TENM3: variants seen among roughly 807,000 people sequenced by gnomAD.
TENM3 encodes teneurin transmembrane protein 3.
Under a neutral mutation model 255.1 loss-of-function variants are expected in TENM3, and 63 were observed. That is an observed-to-expected ratio of 0.25 (90% CI 0.20 to 0.30). The LOEUF (loss-of-function observed/expected upper bound fraction) is 0.30. Among genes scored for constraint, TENM3 ranks in the 10% least tolerant of loss-of-function variants. The pLI, the probability that TENM3 is intolerant of heterozygous loss-of-function variation, is 1.00. For missense variants in TENM3, 2,929 were observed against 3,461.1 expected (o/e 0.85, Z 3.86); for synonymous variants, 1,306 against 1,322.3 (o/e 0.99, Z 0.27).
At chr4:181,963,625 A>G in the TENM3 span, among the ~76,000 whole-genome samples, 27 of 152,198 alleles carry the variant, frequency 1.8e-4, no homozygotes, top group African/African-American at 6.0e-4. Context: ...CATAGCTTCA[A>G]TCAACAAGTT....
chr4:181,956,684 A>G, the TENM3 span, among the ~76,000 whole-genome samples: 1 of 152,246 alleles, frequency 6.6e-6, no homozygotes, highest in Non-Finnish European at 1.5e-5. Flanking sequence ...AACACTTGGC[A>G]TTCTTCGGAT....
At chr4:182,336,654 T>C (rs1397555084) in intron 2 of TENM3, among the ~76,000 whole-genome samples, 1 of 152,214 alleles carries the variant, frequency 6.6e-6, no homozygotes, top group African/African-American at 2.4e-5. Context: ...GCTGCCCTGA[T>C]GGCTTGGTTT....
chr4:181,728,924 T>C, the TENM3 span, among the ~76,000 whole-genome samples: 1 of 152,178 alleles, frequency 6.6e-6, no homozygotes, highest in African/African-American at 2.4e-5. Flanking sequence ...CATTATTATG[T>C]TGTTTCCTTA....
the TENM3 span, among the ~76,000 whole-genome samples, chr4:182,018,079 A>G: frequency 6.6e-6 from 1 of 152,206 alleles, no homozygotes; most frequent in Non-Finnish European, 1.5e-5. Context: ...GTTAGGGAAC[A>G]TCTAATTCTG....
intron 3 of TENM3, among the ~76,000 whole-genome samples, chr4:182,500,663 G>A (rs6836360): frequency 6.6e-6 from 1 of 151,896 alleles, no homozygotes; most frequent in Admixed American, 6.6e-5. Context: ...CAAACATATT[G>A]TAAGAGAGAC....
intron 26 of TENM3, 124 bp downstream of exon 26, chr4:182,794,009 C>A: frequency 2.5e-6 from 2 of 790,312 alleles, no homozygotes; most frequent in Non-Finnish European, 4.0e-6. Flanking sequence ...AATGGCTAAC[C>A]TTTTAAATGT....
chr4:182,670,543 C>T (rs2152547402), intron 6 of TENM3, among the ~76,000 whole-genome samples: 1 of 152,328 alleles, frequency 6.6e-6, no homozygotes. Flanking sequence ...GATTTCATTT[C>T]ACCTCTAGCC....
At chr4:182,002,416 T>G in the TENM3 span, among the ~76,000 whole-genome samples, 1 of 151,978 alleles carries the variant, frequency 6.6e-6, no homozygotes, top group African/African-American at 2.4e-5. Context: ...TTTCCCCAGT[T>G]GAATTAAATC....
chr4:181,627,411 G>T, the TENM3 span, among the ~76,000 whole-genome samples: 1 of 152,106 alleles, frequency 6.6e-6, no homozygotes, highest in East Asian at 1.9e-4. Flanking sequence ...ATGTATACGT[G>T]TGCCATGTTG....
the TENM3 span, among the ~76,000 whole-genome samples, chr4:181,490,141 G>T: frequency 3.9e-5 from 6 of 152,164 alleles, no homozygotes; most frequent in East Asian, 7.7e-4. Context: ...ATCACCTCAA[G>T]CATTTGTTAT....
the TENM3 span, among the ~76,000 whole-genome samples, chr4:181,712,019 A>G: frequency 1.3e-5 from 2 of 152,192 alleles, no homozygotes; most frequent in Non-Finnish European, 2.9e-5. Context: ...AAAACATACA[A>G]TTATCGGTCA....
chr4:181,654,190 C>A, the TENM3 span, among the ~76,000 whole-genome samples: 1 of 148,784 alleles, frequency 6.7e-6, no homozygotes, highest in Non-Finnish European at 1.5e-5. Context: ...CATGTCAATT[C>A]TATGCGATAA....
At position 182,789,348 on chromosome 4, in the gene TENM3, T is replaced by C; in HGVS notation, c.5560T>C (p.Phe1854Leu). 1.2e-6 allele frequency: 2 copies of C among 1,613,726 alleles called. No individual in the cohort carries two copies. The highest frequency in any genetic ancestry group is 1.7e-6 in the Non-Finnish European group (2 of 1,179,818). The change falls in exon 25 of 28, where the codon TTT (phenylalanine) becomes CTT (leucine). Residue 1854 changes from phenylalanine (F) to leucine (L), a missense_variant. Coordinates refer to ENST00000511685, the MANE Select transcript of TENM3 (RefSeq NM_001080477.4). This position sits in a 1 kb window ranked among gnomAD's most constrained non-coding sequence, Gnocchi z 4.4. ...DGQGRIVSRV[F>L]ADGKTWSYTY... ...ACAGGGGAGGATCGTGTCTCGGGTC[T>C]TTGCTGATGGTAAAACATGGAGTTA...
At chr4:181,918,421 T>C in the TENM3 span, among the ~76,000 whole-genome samples, 3 of 152,200 alleles carry the variant, frequency 2.0e-5, no homozygotes, top group Admixed American at 6.5e-5. Context: ...AAGAATAAAT[T>C]AACTTCTTCA....
chr4:181,791,005 C>T, the TENM3 span, among the ~76,000 whole-genome samples: 1 of 152,246 alleles, frequency 6.6e-6, no homozygotes, highest in Non-Finnish European at 1.5e-5. Context: ...AAGATGATTA[C>T]GGGCCATATG....
chr4:182,461,554 G>C (rs114872439), intron 3 of TENM3, among the ~76,000 whole-genome samples: 1 of 152,098 alleles, frequency 6.6e-6, no homozygotes, highest in East Asian at 1.9e-4. Flanking sequence ...ACAGTAGTAC[G>C]GTGTGTTTGG....
the TENM3 span, among the ~76,000 whole-genome samples, chr4:182,009,049 G>T: frequency 6.6e-6 from 1 of 152,044 alleles, no homozygotes; most frequent in Admixed American, 6.5e-5. Context: ...CATCTGATTT[G>T]CTCCTGTGCC....
intron 22 of TENM3, among the ~76,000 whole-genome samples, chr4:182,768,369 G>A (rs1273073643): frequency 6.6e-6 from 1 of 152,136 alleles, no homozygotes; most frequent in Non-Finnish European, 1.5e-5. Flanking sequence ...ACATCAATAG[G>A]CTGTTGACAT....
the TENM3 span, among the ~76,000 whole-genome samples, chr4:181,476,763 T>G: frequency 2.6e-5 from 4 of 152,184 alleles, no homozygotes; most frequent in African/African-American, 7.2e-5. Context: ...TCAAGGTTTC[T>G]GAGACTTCAA....
Sources: gnomAD v4.1 joint callset for allele counts (sites outside exome capture counted in the v4.1 genomes callset) on GRCh38, gnomAD v4.1.1 for gene constraint, Gnocchi (gnomAD v3.1) non-coding constraint, MANE v1.5 for transcripts, NCBI Gene and HGNC (gene_info 2026-07-23, HGNC 2026-07-21) for gene names.